The following DPYD variants were observed in gnomAD, a reference collection of about 807,000 sequenced individuals.
DPYD encodes dihydropyrimidine dehydrogenase, also known as dihydropyrimidine dehydrogenase [NADP(+)].
A neutral mutation model predicts 116.2 loss-of-function variants in DPYD; 109 were observed. The observed-to-expected ratio is 0.94, with a 90% CI of 0.80 to 1.10. The LOEUF is 1.10. Ranked by LOEUF, DPYD falls within the 50% of genes least tolerant of loss-of-function variation. The pLI, the probability that DPYD is intolerant of heterozygous loss-of-function variation, is 0.00. For synonymous variants in DPYD, 440 were observed against 432.0 expected (o/e 1.02, Z -0.23); for missense variants, 1,302 against 1,254.5 (o/e 1.04, Z -0.57).
intron 3 of DPYD, among the ~76,000 whole-genome samples, chr1:97,770,092 A>C (rs1156259433): frequency 6.6e-6 from 1 of 152,222 alleles, no homozygotes; most frequent in Non-Finnish European, 1.5e-5. Flanking sequence ...CTGCAAATGC[A>C]AAGGGCCAGT....
intron 13 of DPYD, among the ~76,000 whole-genome samples, chr1:97,506,412 C>A (rs1647334909): frequency 6.6e-6 from 1 of 151,770 alleles, no homozygotes; most frequent in Admixed American, 6.6e-5. Context: ...TTAAAATTCA[C>A]AGAAGAATTA....
At chr1:97,682,592 G>A (rs187521393) in intron 7 of DPYD, among the ~76,000 whole-genome samples, 2 of 152,198 alleles carry the variant, frequency 1.3e-5, no homozygotes, top group Non-Finnish European at 1.5e-5. Context: ...TGAAATGTGT[G>A]TTAACTAAAA....
chr1:97,723,950 T>C (rs995143149), intron 4 of DPYD, among the ~76,000 whole-genome samples: 21 of 151,606 alleles, frequency 1.4e-4, no homozygotes, highest in African/African-American at 5.1e-4. Flanking sequence ...TGACAAATAC[T>C]TCTAGAACAT....
At chr1:97,335,738 G>T (rs1008450329) in intron 16 of DPYD, among the ~76,000 whole-genome samples, 4 of 152,092 alleles carry the variant, frequency 2.6e-5, no homozygotes, top group African/African-American at 9.7e-5. Context: ...TAAATTTCTT[G>T]CATTTTAAAA....
intron 3 of DPYD, 110 bp downstream of exon 3, chr1:97,828,004 T>G: frequency 9.4e-7 from 1 of 1,069,282 alleles, no homozygotes; most frequent in Non-Finnish European, 1.4e-6. Context: ...AATTAATACC[T>G]TAGAGAACAG....
Position 97,574,081 on chromosome 1 carries a change from C to T in DPYD, c.1129-111G>A, listed in dbSNP as rs918717951. ...AAGCTTATGATATTAAGTCAATATG[C>T]AGCTTTTTCTTTCACCAAACCTGAG... is the stretch of plus-strand genomic sequence containing the variant. On this transcript the variant is annotated intron_variant, in intron 10 of 22. Transcript: ENST00000370192. The T allele has an allele frequency of 1.9e-5, 28 of 1,511,234 alleles. No individual in the cohort carries two copies. In the African/African-American group the frequency reaches 3.6e-4, roughly 20 times the overall value. The allele number at this position is 1,511,234 out of a possible 1,614,324, so 93.6% of individuals were successfully genotyped here. A position where few individuals can be genotyped will look rare whatever the true frequency, so the allele number is the denominator to read the frequency against.
At chr1:97,572,870 A>C (rs1384260386) in intron 11 of DPYD, among the ~76,000 whole-genome samples, 5 of 152,046 alleles carry the variant, frequency 3.3e-5, no homozygotes, top group Admixed American at 2.6e-4. Flanking sequence ...TTTCATGTAT[A>C]TATCTCTTCC....
chr1:97,376,362 T>C (rs773048239), intron 15 of DPYD, among the ~76,000 whole-genome samples: 1 of 151,896 alleles, frequency 6.6e-6, no homozygotes, highest in Non-Finnish European at 1.5e-5. Context: ...TATTTTAAAA[T>C]CACCTGTTCA....
At chr1:97,732,583 T>C (rs954154288) in intron 4 of DPYD, among the ~76,000 whole-genome samples, 6 of 152,082 alleles carry the variant, frequency 3.9e-5, no homozygotes, top group African/African-American at 1.4e-4. Context: ...GATAATGTTA[T>C]ATCCATCTAT....
chr1:97,156,552 C>A (rs1346156251), intron 20 of DPYD, among the ~76,000 whole-genome samples: 1 of 152,160 alleles, frequency 6.6e-6, no homozygotes, highest in East Asian at 1.9e-4. Flanking sequence ...AAATGCAAAT[C>A]AAAACCACAA....
chr1:97,851,736 T>C (rs1406024141), intron 2 of DPYD, among the ~76,000 whole-genome samples: 1 of 151,240 alleles, frequency 6.6e-6, no homozygotes, highest in East Asian at 1.9e-4. Context: ...AACTGGGCTC[T>C]AGGCTCTAAA....
chr1:97,450,303 A>G, intron 13 of DPYD, 80 bp from the exon 14 acceptor site: 1 of 1,494,982 alleles, frequency 6.7e-7, no homozygotes, highest in Non-Finnish European at 9.1e-7. Context: ...TTTCCATATG[A>G]CAATATTTTA....
intron 3 of DPYD, among the ~76,000 whole-genome samples, chr1:97,768,751 G>A (rs1389424760): frequency 6.6e-6 from 1 of 151,956 alleles, no homozygotes; most frequent in African/African-American, 2.4e-5. Flanking sequence ...ATTTCAAAAT[G>A]CATCTTTTCC....
chr1:97,103,807 GT>G (rs145718779), intron 20 of DPYD, among the ~76,000 whole-genome samples: 7,458 of 152,170 alleles, frequency 0.049, 434 homozygotes, highest in African/African-American at 0.14. Flanking sequence ...AACTCACGAT[GT>G]TGGTATAAGC....
intron 8 of DPYD, among the ~76,000 whole-genome samples, chr1:97,647,168 G>C (rs765000341): frequency 6.6e-6 from 1 of 151,816 alleles, no homozygotes; most frequent in Non-Finnish European, 1.5e-5. Flanking sequence ...TTTTTGATAT[G>C]GCTGTTGACT....
chr1:97,172,704 G>A (rs1191276753), intron 20 of DPYD, among the ~76,000 whole-genome samples: 2 of 152,120 alleles, frequency 1.3e-5, no homozygotes, highest in Non-Finnish European at 2.9e-5. Flanking sequence ...AAATGACAAC[G>A]ACACCCAAAA....
chr1:97,447,883 A>G (rs1368089109), intron 14 of DPYD, among the ~76,000 whole-genome samples: 1 of 152,104 alleles, frequency 6.6e-6, no homozygotes, highest in African/African-American at 2.4e-5. Flanking sequence ...TCTAGATACT[A>G]TTGAATCAGT....
intron 8 of DPYD, among the ~76,000 whole-genome samples, chr1:97,637,594 T>C (rs1458843287): frequency 6.6e-6 from 1 of 151,674 alleles, no homozygotes; most frequent in Non-Finnish European, 1.5e-5. Context: ...AGGAGACATA[T>C]ATATTATTTT....
At chr1:97,838,737 T>C (rs561415483) in intron 2 of DPYD, among the ~76,000 whole-genome samples, 11 of 151,858 alleles carry the variant, frequency 7.2e-5, no homozygotes, top group African/African-American at 9.7e-5. Context: ...CCCAGGTACT[T>C]GGGAGGCTGA....
Sources: allele counts gnomAD v4.1 joint callset (sites outside exome capture counted in the v4.1 genomes callset), GRCh38; gene constraint gnomAD v4.1.1; transcripts MANE v1.5; gene names NCBI Gene and HGNC (gene_info 2026-07-23, HGNC 2026-07-21).